GRB2: variants seen among roughly 807,000 people sequenced by gnomAD.
GRB2 encodes the protein growth factor receptor bound protein 2.
In GRB2, 2 loss-of-function variants were observed where a neutral mutation model predicts 27.4. The ratio of observed to expected loss-of-function variants is 0.07; its 90% CI spans 0.03 to 0.23. GRB2 has a LOEUF of 0.23. Ranked by LOEUF, GRB2 falls within the 10% of genes least tolerant of loss-of-function variation. The pLI, the probability that GRB2 is intolerant of heterozygous loss-of-function variation, is 1.00. For synonymous variants in GRB2, 94 were observed against 99.6 expected, an observed-to-expected ratio of 0.94 and a Z score of 0.33; for missense variants, 102 against 282.4, an observed-to-expected ratio of 0.36 and a Z score of 4.58.
intron 2 of GRB2, 198 bp downstream of exon 2, chr17:75,393,353 A>G: frequency 1.7e-6 from 1 of 597,380 alleles, no homozygotes; most frequent in Admixed American, 3.1e-5. Flanking sequence ...AGGCAGTTAA[A>G]CACCACACAT....
intron 2 of GRB2, among the ~76,000 whole-genome samples, chr17:75,348,787 C>T (rs1033947087): frequency 1.3e-5 from 2 of 152,158 alleles, no homozygotes; most frequent in African/African-American, 4.8e-5. Context: ...GTGAACTTCC[C>T]ACCTCAGTCT....
At chr17:75,344,843 C>T (rs2078644375) in intron 2 of GRB2, among the ~76,000 whole-genome samples, 1 of 150,536 alleles carries the variant, frequency 6.6e-6, no homozygotes, top group Admixed American at 6.6e-5. Context: ...CAACCCCCCA[C>T]ACCCCCTCCC....
At chr17:75,382,263 C>CAA (rs200338703) in intron 2 of GRB2, among the ~76,000 whole-genome samples, 58 of 145,640 alleles carry the variant, frequency 4.0e-4, no homozygotes, top group Non-Finnish European at 1.2e-4. Flanking sequence ...GACCTTGTCT[C>CAA]AAAAAAAAAG....
In GRB2 at chr17:75,400,727, T is replaced by A. The variant is rs528176402; in HGVS notation, c.-138+4762A>T. Reference sequence around the variant, plus strand: ...CGAGGTTTCACCATGTTGGCCAGGCTGGTCTCCAACCTCAAGTGATCCGCC... The same window carrying A: ...CGAGGTTTCACCATGTTGGCCAGGCAGGTCTCCAACCTCAAGTGATCCGCC... On this transcript the variant is annotated intron_variant, in intron 1 of 5. Transcript: ENST00000316804. Among the ~76,000 whole-genome samples, 9 of 152,236 alleles carry A rather than the reference T, an allele frequency of 5.9e-5. No individual in the cohort carries two copies. The East Asian group carries it at 1.7e-3, about 29-fold the overall frequency.
intron 2 of GRB2, among the ~76,000 whole-genome samples, chr17:75,351,417 G>C (rs2078691432): frequency 6.6e-6 from 1 of 152,150 alleles, no homozygotes; most frequent in Non-Finnish European, 1.5e-5. Flanking sequence ...GAGAGGCTGA[G>C]GCGGAAGAAT....
chr17:75,338,285 G>A (rs185783086), intron 2 of GRB2, among the ~76,000 whole-genome samples: 52 of 151,950 alleles, frequency 3.4e-4, no homozygotes, highest in African/African-American at 1.2e-3. Flanking sequence ...GGCTGGTCTC[G>A]AACTCCTGGC....
chr17:75,319,396 A>G lies in GRB2; in HGVS notation c.*972T>C, dbSNP rs2078441198. ...ACTATGAAAAAACAACATGCTCGAT[A>G]ATCCCACTGGAAGGGCCAACAAAGT... is the stretch of plus-strand genomic sequence containing the variant. On this transcript the variant is annotated 3_prime_UTR_variant, in exon 6 of 6. Coordinates refer to ENST00000316804, the MANE Select transcript of GRB2 (RefSeq NM_002086.5). 1 of 151,690 alleles carries G rather than the reference A, an allele frequency of 6.6e-6. No individual in the cohort carries two copies. The highest frequency in any genetic ancestry group is 1.9e-4 in the East Asian group (1 of 5,190). The allele number at this position is 151,690 out of a possible 1,614,324, so 9.4% of individuals were successfully genotyped here.
chr17:75,354,600 C>T (rs923008778), intron 2 of GRB2, among the ~76,000 whole-genome samples: 6 of 152,072 alleles, frequency 3.9e-5, no homozygotes, highest in Non-Finnish European at 8.8e-5. Context: ...ATCTCGACCC[C>T]CCACTTCCAT....
rs1237652544 is a variant in GRB2, at chr17:75,318,947, G to A, written c.*1421C>T. On this transcript the variant is annotated 3_prime_UTR_variant, in exon 6 of 6. Coordinates refer to ENST00000316804, the MANE Select transcript of GRB2 (RefSeq NM_002086.5). ...TGCTGGTTCCAGGGGTGCATATAGGGAGGGGGCGGGGGCCACAACCCCCGA... is the reference window on the plus strand; with the variant it reads ...TGCTGGTTCCAGGGGTGCATATAGGAAGGGGGCGGGGGCCACAACCCCCGA... 1 of 152,348 alleles carries A rather than the reference G, an allele frequency of 6.6e-6. No individual in the cohort carries two copies. The highest frequency in any genetic ancestry group is 2.4e-5 in the African/African-American group (1 of 41,360). 9.4% of individuals were successfully genotyped at this position (152,348 alleles called of 1,614,324 possible).
intron 2 of GRB2, among the ~76,000 whole-genome samples, chr17:75,358,916 A>ATAAATAT (rs1555611094): frequency 1.8e-4 from 14 of 78,548 alleles, no homozygotes; most frequent in South Asian, 4.8e-4. Flanking sequence ...TATATATATA[A>ATAAATAT]ATATATATAT....
intron 2 of GRB2, among the ~76,000 whole-genome samples, chr17:75,378,337 CT>C: frequency 6.6e-6 from 1 of 152,206 alleles, no homozygotes; most frequent in South Asian, 2.1e-4. Context: ...GAGCTGAGAT[CT>C]CGCCACCGCA....
chr17:75,363,531 T>A (rs778501821), intron 2 of GRB2, among the ~76,000 whole-genome samples: 73 of 152,304 alleles, frequency 4.8e-4, no homozygotes, highest in Non-Finnish European at 8.8e-4. Context: ...CTCACGCTTA[T>A]TAAATCACAA....
chr17:75,365,059 G>GAA (rs1377591572), intron 2 of GRB2, among the ~76,000 whole-genome samples: 1 of 152,052 alleles, frequency 6.6e-6, no homozygotes, highest in Non-Finnish European at 1.5e-5. Context: ...AAAATCAAAC[G>GAA]AATCTTGTAC....
At chr17:75,344,475 C>T (rs1463520158) in intron 2 of GRB2, 1 of 150,772 alleles carries the variant, frequency 6.6e-6, no homozygotes, top group Non-Finnish European at 1.5e-5. Context: ...TCACTGCAAC[C>T]TCCACCTCCC....
At chr17:75,361,675 C>T (rs1290858240) in intron 2 of GRB2, among the ~76,000 whole-genome samples, 1 of 152,114 alleles carries the variant, frequency 6.6e-6, no homozygotes, top group Non-Finnish European at 1.5e-5. Context: ...GTGATGCATG[C>T]AGGGCATTAA....
At chr17:75,401,725 G>A (rs970411169) in intron 1 of GRB2, among the ~76,000 whole-genome samples, 4 of 152,154 alleles carry the variant, frequency 2.6e-5, no homozygotes, top group Admixed American at 2.6e-4. Flanking sequence ...CTGGAAAATG[G>A]GAATAATAAC....
chr17:75,319,866 T>G lies in GRB2; in HGVS notation c.*502A>C, dbSNP rs2078445984. ...AGGCAGATTCCTACAAGTCCCCTCC[T>G]CTGGAGGAAGCTAAACAGCAAAGGC... On this transcript the variant is annotated 3_prime_UTR_variant, in exon 6 of 6. Coordinates refer to ENST00000316804, the MANE Select transcript of GRB2 (RefSeq NM_002086.5). 1 of 153,702 alleles carries G rather than the reference T, an allele frequency of 6.5e-6. No homozygotes were observed. The highest frequency in any genetic ancestry group is 1.9e-4 in the East Asian group (1 of 5,228). 9.5% of individuals were successfully genotyped at this position (153,702 alleles called of 1,614,324 possible).
chr17:75,326,201 G>C, intron 3 of GRB2, 181 bp from the exon 4 acceptor site: 1 of 636,404 alleles, frequency 1.6e-6, no homozygotes, highest in East Asian at 2.8e-5. Context: ...GACCTTCAAA[G>C]GTCTTTAGCC....
chr17:75,334,316 G>A (rs547471489), intron 2 of GRB2, among the ~76,000 whole-genome samples: 21 of 152,056 alleles, frequency 1.4e-4, no homozygotes, highest in African/African-American at 5.1e-4. Context: ...GACTACAGGC[G>A]CCTGCCACCA....
Sources: allele counts gnomAD v4.1 joint callset (sites outside exome capture counted in the v4.1 genomes callset), GRCh38; gene constraint gnomAD v4.1.1; transcripts MANE v1.5; gene names NCBI Gene and HGNC (gene_info 2026-07-23, HGNC 2026-07-21).